ATRX: variants seen among roughly 807,000 people sequenced by gnomAD.
ATRX encodes chromatin remodeler ATRX.
ATRX carries 12 observed loss-of-function variants against 172.6 expected under a neutral mutation model. That is an observed-to-expected ratio of 0.07 (90% CI 0.04 to 0.11). The LOEUF (loss-of-function observed/expected upper bound fraction) is 0.11, where lower values mean the gene tolerates loss of function less well. Among genes scored for constraint, ATRX ranks in the 10% least tolerant of loss-of-function variants. The pLI is 1.00. For missense variants in ATRX, 1,368 were observed against 1,767.4 expected (o/e 0.77, Z 4.05); for synonymous variants, 674 against 594.7 (o/e 1.13, Z -1.94).
rs2071304603 is a variant in ATRX, at chrX:77,682,786, C to G, written c.2470G>C (p.Glu824Gln). 7 of 1,208,371 alleles carry G rather than the reference C, an allele frequency of 5.8e-6. No homozygotes were observed. Among genetic ancestry groups the G allele is most frequent in the Middle Eastern group, 2.3e-4 (1 of 4,365 alleles). ...SSNYDSELEK[E>Q]IKSMSKIGAA... ...CCAATTTTACTCATGCTCTTTATCT[C>G]TTTTTCTAATTCTGAGTCATAATTA... The change falls in exon 9 of 35, where the codon GAG becomes CAG. Residue 824 changes from glutamate (E) to glutamine (Q), a missense_variant. Physicochemically the swap from Glu to Gln is conservative, Grantham distance 29. Around this residue, in one of 17 missense-constraint regions of ATRX, gnomAD observed 843 missense variants for 643.1 expected, o/e 1.31. Coordinates refer to ENST00000373344, the MANE Select transcript of ATRX (RefSeq NM_000489.6).
chrX:77,588,452 C>T (rs781978352), intron 27 of ATRX, among the ~76,000 whole-genome samples: 5 of 111,364 alleles, frequency 4.5e-5, no homozygotes, highest in Non-Finnish European at 9.4e-5. Context: ...AATATTTTTG[C>T]GCATCAGAGG....
At chrX:77,573,052 TTTC>T (rs1296815497) in intron 28 of ATRX, among the ~76,000 whole-genome samples, 1 of 112,337 alleles carries the variant, frequency 8.9e-6, no homozygotes, top group Non-Finnish European at 1.9e-5. Context: ...AATGCCATGC[TTTC>T]TTATGTTTGT....
chrX:77,758,801 T>C (rs984746261), intron 1 of ATRX, among the ~76,000 whole-genome samples: 3 of 111,140 alleles, frequency 2.7e-5, no homozygotes, highest in African/African-American at 3.3e-5. Context: ...CAAAACGAAA[T>C]GGTTACTGCT....
At chrX:77,710,246 T>C (rs2148723215) in intron 2 of ATRX, among the ~76,000 whole-genome samples, 1 of 105,680 alleles carries the variant, frequency 9.5e-6, no homozygotes, top group South Asian at 4.3e-4. Context: ...TTGCAGTGAG[T>C]CAAGATCATG....
chrX:77,509,795 G>C (rs1310437916), intron 34 of ATRX, among the ~76,000 whole-genome samples: 1 of 109,829 alleles, frequency 9.1e-6, no homozygotes, highest in Non-Finnish European at 1.9e-5. Flanking sequence ...GTTCCGACAA[G>C]CTTTGCCACT....
chrX:77,704,984 T>G (rs1746356017), intron 2 of ATRX, among the ~76,000 whole-genome samples: 1 of 110,705 alleles, frequency 9.0e-6, no homozygotes, highest in Non-Finnish European at 1.9e-5. Context: ...ACCCACAATT[T>G]GGGCAGCTAT....
chrX:77,658,761 C>A (rs1441055101), intron 12 of ATRX, among the ~76,000 whole-genome samples: 1 of 111,279 alleles, frequency 9.0e-6, no homozygotes, highest in African/African-American at 3.3e-5. Flanking sequence ...AGTTTGTAAA[C>A]CCCCGGCTTA....
At chrX:77,544,152 T>A (rs782210239) in intron 30 of ATRX, among the ~76,000 whole-genome samples, 1 of 111,552 alleles carries the variant, frequency 9.0e-6, no homozygotes, top group African/African-American at 3.2e-5. Flanking sequence ...TTAAAAGATT[T>A]CAGAAAAATA....
At chrX:77,614,105 A>C (rs1201435772) in intron 22 of ATRX, among the ~76,000 whole-genome samples, 1 of 112,418 alleles carries the variant, frequency 8.9e-6, no homozygotes, top group East Asian at 2.8e-4. Context: ...CTAATGTTAA[A>C]AACAAAATTT....
chrX:77,742,954 C>T (rs2074935547), intron 1 of ATRX, among the ~76,000 whole-genome samples: 1 of 111,266 alleles, frequency 9.0e-6, no homozygotes, highest in Non-Finnish European at 1.9e-5. Flanking sequence ...TAACTGTGAG[C>T]AGTACGGGGA....
At chrX:77,526,266 T>C (rs2063378932) in intron 30 of ATRX, among the ~76,000 whole-genome samples, 1 of 111,920 alleles carries the variant, frequency 8.9e-6, no homozygotes, top group African/African-American at 3.2e-5. Flanking sequence ...AATGAAAGAT[T>C]CCAGGGGAGG....
At chrX:77,666,101 C>T (rs190629809) in intron 10 of ATRX, among the ~76,000 whole-genome samples, 30 of 112,130 alleles carry the variant, frequency 2.7e-4, no homozygotes, top group African/African-American at 9.4e-4. Flanking sequence ...TAGGCAATCA[C>T]TTCCATAAAT....
chrX:77,659,482 TACACACACACACACACACAC>T (rs72145948), intron 12 of ATRX, among the ~76,000 whole-genome samples: 2 of 88,466 alleles, frequency 2.3e-5, no homozygotes, highest in Non-Finnish European at 4.5e-5. Flanking sequence ...TTTCTCTCTC[TACACACACACACACACACAC>T]ACACACACAC....
In ATRX at chrX:77,656,457, T is replaced by G. The variant is rs1161231717; in HGVS notation, c.4214+103A>C. 3 of 591,579 alleles carry G rather than the reference T, an allele frequency of 5.1e-6. No individual in the cohort carries two copies. In the Admixed American group the frequency reaches 7.6e-5, roughly 15 times the overall value. The allele number at this position is 591,579 out of a possible 1,213,427, so 48.8% of individuals were successfully genotyped here. A position where few individuals can be genotyped will look rare whatever the true frequency, so the allele number is the denominator to read the frequency against. ...TAGTTTCAAATCAAAATATTATATA[T>G]CACACTAACTTAACTTTATTGGTAA... On this transcript the variant is annotated intron_variant, in intron 13 of 34. Transcript: ENST00000373344.
intron 10 of ATRX, chrX:77,674,099 T>C (rs1337694094): frequency 3.6e-5 from 4 of 111,070 alleles, no homozygotes; most frequent in African/African-American, 6.5e-5. Context: ...TTACACACAA[T>C]TGTGTACAAA....
chrX:77,717,393 T>A (rs1557165899), intron 1 of ATRX, 150 bp from the exon 2 acceptor site: 1 of 484,358 alleles, frequency 2.1e-6, no homozygotes, highest in African/African-American at 2.4e-5. Context: ...ATGTTACAGT[T>A]GTGGGTGTAG....
chrX:77,709,099 C>T (rs145476830), intron 2 of ATRX, among the ~76,000 whole-genome samples: 1,804 of 111,011 alleles, frequency 0.016, 40 homozygotes, highest in African/African-American at 0.057. Context: ...CTTGGCTACT[C>T]GACAGGCTGA....
chrX:77,722,917 T>C (rs2073848653), intron 1 of ATRX, among the ~76,000 whole-genome samples: 1 of 111,856 alleles, frequency 8.9e-6, no homozygotes, highest in Non-Finnish European at 1.9e-5. Context: ...CTATTCACAA[T>C]AGCAAAGACT....
rs781875301 is a variant in ATRX at position 77,634,939 on chromosome X, G to A, written c.4700-236C>T. 6.3e-5 allele frequency among the ~76,000 whole-genome samples: 7 copies of A among 111,967 alleles called. No homozygotes were observed. In the South Asian group the frequency reaches 2.6e-3, roughly 42 times the overall value. On this transcript the variant is annotated intron_variant, in intron 16 of 34. Coordinates refer to ENST00000373344, the MANE Select transcript of ATRX (RefSeq NM_000489.6). Reference sequence around the variant, plus strand: ...CATCTTCTCTAAGCTATCCACAGTAGATGTTCTGTATTCCCTGAGATGGTT... The same window carrying A: ...CATCTTCTCTAAGCTATCCACAGTAAATGTTCTGTATTCCCTGAGATGGTT...
Sources: allele counts gnomAD v4.1 joint callset (sites outside exome capture counted in the v4.1 genomes callset), GRCh38; gene constraint gnomAD v4.1.1; regional missense constraint gnomAD v4.1.1; transcripts MANE v1.5; gene names NCBI Gene and HGNC (gene_info 2026-07-23, HGNC 2026-07-21).